The following FOXP2 variants were observed in gnomAD, a reference collection of about 807,000 sequenced individuals.
FOXP2 encodes the protein forkhead box P2, also known as forkhead box protein P2.
FOXP2 carries 12 observed loss-of-function variants against 115.8 expected under a neutral mutation model. The ratio of observed to expected loss-of-function variants is 0.10; its 90% CI spans 0.07 to 0.17. FOXP2 has a LOEUF of 0.17. Ranked by LOEUF, FOXP2 falls within the 10% of genes least tolerant of loss-of-function variation. FOXP2 has a pLI of 1.00. For synonymous variants in FOXP2, 328 were observed against 297.7 expected (o/e 1.10, Z -1.05); for missense variants, 629 against 843.5 (o/e 0.75, Z 3.15).
At chr7:114,674,424 G>C (rs550000757) in intron 16 of FOXP2, among the ~76,000 whole-genome samples, 1 of 152,058 alleles carries the variant, frequency 6.6e-6, no homozygotes, top group South Asian at 2.1e-4. Flanking sequence ...GAATATTTTC[G>C]TTTTCATCAA....
chr7:114,263,314 A>G (rs986402366), intron 1 of FOXP2, among the ~76,000 whole-genome samples: 2 of 148,292 alleles, frequency 1.3e-5, no homozygotes, highest in African/African-American at 5.0e-5. Flanking sequence ...ACACTCCTCT[A>G]TTATAGATTA....
chr7:114,147,460 G>C (rs1353165523), intron 1 of FOXP2, among the ~76,000 whole-genome samples: 1 of 152,128 alleles, frequency 6.6e-6, no homozygotes, highest in Non-Finnish European at 1.5e-5. Context: ...ACATGGTGCA[G>C]ACAAAGTACC....
intron 3 of FOXP2, among the ~76,000 whole-genome samples, chr7:114,567,009 C>T (rs1175732905): frequency 6.6e-6 from 1 of 151,918 alleles, no homozygotes; most frequent in East Asian, 1.9e-4. Flanking sequence ...TCTTGCTTTG[C>T]TGCACCAGGT....
chr7:114,530,639 C>T (rs1431050442), intron 2 of FOXP2, among the ~76,000 whole-genome samples: 2 of 151,684 alleles, frequency 1.3e-5, no homozygotes, highest in African/African-American at 2.4e-5. Flanking sequence ...TTTCAGTGTT[C>T]TTCAGTGGAA....
intron 2 of FOXP2, among the ~76,000 whole-genome samples, chr7:114,464,011 C>T (rs1202146999): frequency 6.6e-6 from 1 of 151,826 alleles, no homozygotes; most frequent in Non-Finnish European, 1.5e-5. Context: ...TAAGCAAATA[C>T]CATTAAAAAG....
intron 1 of FOXP2, among the ~76,000 whole-genome samples, chr7:114,155,641 G>A (rs1466931147): frequency 6.6e-6 from 1 of 152,036 alleles, no homozygotes; most frequent in Non-Finnish European, 1.5e-5. Flanking sequence ...GTGTCATGTG[G>A]CACGAAAGTA....
At chr7:114,656,018 A>C (rs1456030) in intron 10 of FOXP2, among the ~76,000 whole-genome samples, 14,429 of 152,242 alleles carry the variant, frequency 0.095, 951 homozygotes, top group East Asian at 0.35. Context: ...TTAGTTAATA[A>C]TAAATTCTAT....
In FOXP2 at chr7:114,268,470, C is replaced by T. The variant is rs753588862; in HGVS notation, c.-101-19549C>T. The stretch of plus-strand genomic sequence containing the variant: ...AATGCTCACATTTTAAAAACTACCA[C>T]TCAAATATCCATACAAATTTTGTGT... On this transcript the variant is annotated intron_variant, in intron 1 of 17. Coordinates refer to the FOXP2 transcript ENST00000634411. 6.1e-4 allele frequency among the ~76,000 whole-genome samples: 93 copies of T among 152,192 alleles called. 1 individual carries two copies. The highest frequency in any genetic ancestry group is 2.6e-4 in the Admixed American group (4 of 15,276).
intron 1 of FOXP2, among the ~76,000 whole-genome samples, chr7:114,230,541 T>C (rs1794848653): frequency 2.0e-5 from 3 of 151,972 alleles, no homozygotes; most frequent in African/African-American, 7.2e-5. Flanking sequence ...AGTGATCTTA[T>C]CCCTGGAATA....
chr7:114,658,256 C>T lies in FOXP2; in HGVS notation c.1457C>T (p.Pro486Leu), dbSNP rs1445779721. 4 of 1,613,694 alleles carry T rather than the reference C, an allele frequency of 2.5e-6. No homozygotes were observed. Among genetic ancestry groups the T allele is most frequent in the Non-Finnish European group, 3.4e-6 (4 of 1,179,782 alleles). Residue 486 changes from proline (P) to leucine (L), a missense_variant, in exon 11 of 17, where the codon CCC becomes CTC. Pro to Leu is a moderately conservative substitution (Grantham distance 98). Coordinates refer to ENST00000350908, the MANE Select transcript of FOXP2 (RefSeq NM_014491.4). The stretch of plus-strand genomic sequence containing the variant: ...CGACATTCAGACAAATACAACATTC[C>T]CATGTCATCAGGTAGGATATGAATG... ...RRRHSDKYNI[P>L]MSSEIAPNYE...
At chr7:114,353,211 A>C (rs566176968) in intron 2 of FOXP2, among the ~76,000 whole-genome samples, 153 of 152,102 alleles carry the variant, frequency 1.0e-3, no homozygotes, top group Middle Eastern at 3.4e-3. Flanking sequence ...CAAGATTGCT[A>C]TCTGAAGTTT....
chr7:114,456,434 C>A (rs1237304402), intron 2 of FOXP2, among the ~76,000 whole-genome samples: 1 of 152,142 alleles, frequency 6.6e-6, no homozygotes, highest in Non-Finnish European at 1.5e-5. Flanking sequence ...TACCTTGGGT[C>A]TTTTGCAACA....
chr7:114,406,998 A>G lies in FOXP2; in HGVS notation c.-10-19504A>G, dbSNP rs1036122419. On this transcript the variant is annotated intron_variant, in intron 2 of 17. Coordinates refer to the FOXP2 transcript ENST00000634411. ...GTAACTTGAACAGAGAGAAGAAGGGAAGGAGAGAACCAGACAGGAGGAAAA... is the reference window on the plus strand; with the variant it reads ...GTAACTTGAACAGAGAGAAGAAGGGGAGGAGAGAACCAGACAGGAGGAAAA... Among the ~76,000 whole-genome samples the G allele has an allele frequency of 3.3e-5, 5 of 152,004 alleles. No homozygotes were observed. The East Asian group carries it at 5.8e-4, about 18-fold the overall frequency.
chr7:114,643,631 G>A (rs1233040068), intron 7 of FOXP2, among the ~76,000 whole-genome samples: 4 of 152,110 alleles, frequency 2.6e-5, no homozygotes, highest in Non-Finnish European at 5.9e-5. Context: ...GAGCATTCAT[G>A]TACATTTGTC....
At chr7:114,368,067 T>C (rs1264629285) in intron 2 of FOXP2, among the ~76,000 whole-genome samples, 1 of 152,212 alleles carries the variant, frequency 6.6e-6, no homozygotes, top group African/African-American at 2.4e-5. Flanking sequence ...AGCTGTCTGA[T>C]TTTAAAAGCT....
chr7:114,199,081 G>A (rs757112037), intron 1 of FOXP2, among the ~76,000 whole-genome samples: 4 of 152,200 alleles, frequency 2.6e-5, no homozygotes, highest in African/African-American at 4.8e-5. Context: ...GCAGTGGGGT[G>A]ATCCTAGCTC....
intron 2 of FOXP2, among the ~76,000 whole-genome samples, chr7:114,379,773 T>A (rs1298361208): frequency 1.3e-5 from 2 of 152,216 alleles, no homozygotes; most frequent in Non-Finnish European, 1.5e-5. Context: ...CCTGACTATC[T>A]GCTTGATAGT....
rs1186186942 is a variant in FOXP2 at position 114,651,064 on chromosome 7, T to C, written c.1095-1139T>C. 2.0e-5 allele frequency among the ~76,000 whole-genome samples: 3 copies of C among 152,114 alleles called. No individual in the cohort carries two copies. The East Asian group carries it at 5.8e-4, about 29-fold the overall frequency. ...TTATATTTTTTCTGCCTCACTGTGA[T>C]CTTCAAGAAATAAAAGTAAATAATT... On this transcript the variant is annotated intron_variant, in intron 8 of 16. Transcript: ENST00000350908.
At chr7:114,238,101 GTTTTGTGCATTATAT>G (rs1795058388) in intron 1 of FOXP2, among the ~76,000 whole-genome samples, 1 of 152,168 alleles carries the variant, frequency 6.6e-6, no homozygotes, top group Non-Finnish European at 1.5e-5. Flanking sequence ...AATTATCACT[GTTTTGTGCATTATAT>G]TTGTAGATGT....
Sources: allele counts gnomAD v4.1 joint callset (sites outside exome capture counted in the v4.1 genomes callset), GRCh38; gene constraint gnomAD v4.1.1; transcripts MANE v1.5; gene names NCBI Gene and HGNC (gene_info 2026-07-23, HGNC 2026-07-21).